Variants in SGCD observed in about 807,000 individuals in gnomAD.
SGCD encodes delta-sarcoglycan.
Under a neutral mutation model 36.6 loss-of-function variants are expected in SGCD, and 18 were observed. That is an observed-to-expected ratio of 0.49 (90% CI 0.34 to 0.73). SGCD has a LOEUF of 0.73. Ranked by LOEUF, SGCD falls within the 30% of genes least tolerant of loss-of-function variation. SGCD has a pLI of 0.01. For missense variants in SGCD, 387 were observed against 346.7 expected (o/e 1.12, Z -0.92); for synonymous variants, 133 against 130.6 (o/e 1.02, Z -0.12).
chr5:156,088,720 A>G (rs189268910), intron 1 of SGCD, among the ~76,000 whole-genome samples: 2 of 152,262 alleles, frequency 1.3e-5, no homozygotes, highest in East Asian at 3.9e-4. Flanking sequence ...AAGTCTCACT[A>G]TGTTGCCCAG....
chr5:156,328,323 CT>C (rs916482565), intron 1 of SGCD, among the ~76,000 whole-genome samples: 5 of 152,356 alleles, frequency 3.3e-5, no homozygotes, highest in East Asian at 1.9e-4. Context: ...GCACAGCAAT[CT>C]GTGACAACAT....
the SGCD span, among the ~76,000 whole-genome samples, chr5:155,786,137 C>G: frequency 1.3e-5 from 2 of 152,106 alleles, no homozygotes; most frequent in Admixed American, 1.3e-4. Flanking sequence ...ATTCAGTGCT[C>G]CATTTGCAAT....
the SGCD span, among the ~76,000 whole-genome samples, chr5:155,799,728 CT>C: frequency 2.0e-3 from 283 of 143,268 alleles, 3 homozygotes; most frequent in East Asian, 6.1e-3. Context: ...CTTTTATTTC[CT>C]TTTTTTTTTT....
intron 1 of SGCD, among the ~76,000 whole-genome samples, chr5:156,028,963 C>T (rs1347116): frequency 0.072 from 10,881 of 151,932 alleles, 694 homozygotes; most frequent in African/African-American, 0.17. Context: ...AGTGTGTGTA[C>T]GCAGGAGGAA....
intron 5 of SGCD, among the ~76,000 whole-genome samples, chr5:156,593,238 G>A (rs1581222191): frequency 6.6e-6 from 1 of 152,106 alleles, no homozygotes; most frequent in Admixed American, 6.6e-5. Context: ...TTCCTAGTCC[G>A]ACAGTCTTGA....
At chr5:156,144,098 TGGTGTATATGTGCCA>T (rs2127611702) in intron 3 of SGCD, among the ~76,000 whole-genome samples, 1 of 152,196 alleles carries the variant, frequency 6.6e-6, no homozygotes, top group South Asian at 2.1e-4. Context: ...TGGTATTCCA[TGGTGTATATGTGCCA>T]CATTTTCTTA....
At chr5:155,967,673 C>A (rs762922915) in intron 1 of SGCD, among the ~76,000 whole-genome samples, 17 of 151,976 alleles carry the variant, frequency 1.1e-4, no homozygotes, top group Non-Finnish European at 1.8e-4. Context: ...TGTTCTTAAC[C>A]ACACACCCAA....
At chr5:156,142,593 C>A (rs886644555) in intron 3 of SGCD, among the ~76,000 whole-genome samples, 2 of 152,122 alleles carry the variant, frequency 1.3e-5, no homozygotes, top group Admixed American at 6.5e-5. Flanking sequence ...AAATGAGGAA[C>A]TTTTGGAAAC....
chr5:156,251,850 T>C (rs964058373), intron 3 of SGCD, among the ~76,000 whole-genome samples: 4 of 152,070 alleles, frequency 2.6e-5, no homozygotes, highest in East Asian at 2.0e-4. Flanking sequence ...GTCTTGGAGA[T>C]ACAACATTAA....
At chr5:155,942,295 C>CATGT (rs561919666) in intron 1 of SGCD, among the ~76,000 whole-genome samples, 61 of 147,066 alleles carry the variant, frequency 4.1e-4, no homozygotes, top group Admixed American at 1.8e-3. Context: ...TGTATGTACG[C>CATGT]ATGTATGTAT....
chr5:156,368,199 C>A (rs1471748776), intron 3 of SGCD, among the ~76,000 whole-genome samples: 1 of 151,892 alleles, frequency 6.6e-6, no homozygotes, highest in East Asian at 1.9e-4. Flanking sequence ...TCAAGCAATT[C>A]TCTGCTTTAG....
At chr5:156,090,717 T>G (rs1357159598) in intron 1 of SGCD, among the ~76,000 whole-genome samples, 1 of 152,086 alleles carries the variant, frequency 6.6e-6, no homozygotes, top group Admixed American at 6.5e-5. Flanking sequence ...CAGGGTGTAT[T>G]TCATCCCTTA....
chr5:155,747,065 T>C, the SGCD span, among the ~76,000 whole-genome samples: 2 of 152,290 alleles, frequency 1.3e-5, no homozygotes, highest in South Asian at 4.1e-4. Flanking sequence ...CCTGCTCATG[T>C]CTGGCCACCT....
chr5:156,545,377 C>T (rs748340782), intron 4 of SGCD, among the ~76,000 whole-genome samples: 2 of 151,980 alleles, frequency 1.3e-5, no homozygotes, highest in Admixed American at 6.6e-5. Context: ...TGCTAAGCCT[C>T]GTAAGGGCTC....
intron 3 of SGCD, among the ~76,000 whole-genome samples, chr5:156,168,600 T>G (rs565963545): frequency 6.6e-6 from 1 of 152,304 alleles, no homozygotes; most frequent in East Asian, 1.9e-4. Flanking sequence ...TTTTATGTTT[T>G]AATATTAAAT....
intron 3 of SGCD, among the ~76,000 whole-genome samples, chr5:156,132,800 A>G (rs544623619): frequency 1.1e-4 from 16 of 152,226 alleles, no homozygotes; most frequent in African/African-American, 3.6e-4. Context: ...CTTCTCTTAC[A>G]ACTTTCTTTA....
chr5:156,412,665 A>G (rs902697630), intron 3 of SGCD, among the ~76,000 whole-genome samples: 1 of 152,264 alleles, frequency 6.6e-6, no homozygotes, highest in Non-Finnish European at 1.5e-5. Context: ...TTAGAGATCA[A>G]ATAAAGAAAT....
At chr5:156,686,800 G>A (rs2113696175) in intron 7 of SGCD, among the ~76,000 whole-genome samples, 1 of 152,262 alleles carries the variant, frequency 6.6e-6, no homozygotes, top group South Asian at 2.1e-4. Context: ...AAATTCTATA[G>A]GCAAAGCCAA....
intron 4 of SGCD, among the ~76,000 whole-genome samples, chr5:156,513,470 C>T (rs1208102738): frequency 6.6e-6 from 1 of 152,190 alleles, no homozygotes; most frequent in Non-Finnish European, 1.5e-5. Context: ...TCTGCAGTGT[C>T]ATTTTTATGT....
Sources: gnomAD v4.1 joint callset for allele counts (sites outside exome capture counted in the v4.1 genomes callset) on GRCh38, gnomAD v4.1.1 for gene constraint, MANE v1.5 for transcripts, NCBI Gene and HGNC (gene_info 2026-07-23, HGNC 2026-07-21) for gene names.